Variants in UGT1A8 observed in about 807,000 individuals in gnomAD.
The protein encoded by UGT1A8 is UDP glucuronosyltransferase family 1 member A8, also known as UDP-glucuronosyltransferase 1A8.
A neutral mutation model predicts 45.3 loss-of-function variants in UGT1A8; 39 were observed. The ratio of observed to expected loss-of-function variants is 0.86; its 90% CI spans 0.67 to 1.12. UGT1A8 has a LOEUF of 1.12. Among genes scored for constraint, UGT1A8 ranks in the 50% most tolerant of loss-of-function variants. UGT1A8 has a pLI of 0.00. For synonymous variants in UGT1A8, 275 were observed against 249.2 expected (o/e 1.10, Z -0.97); for missense variants, 719 against 664.9 (o/e 1.08, Z -0.90).
At chr2:233,719,126 A>C (rs771877893) in intron 1 of UGT1A8, 16 of 1,614,152 alleles carry the variant, frequency 9.9e-6, no homozygotes, top group Non-Finnish European at 1.4e-5. Context: ...GGTTCTTTGA[A>C]ACAGAACATC....
intron 1 of UGT1A8, among the ~76,000 whole-genome samples, chr2:233,766,177 G>A (rs937937765): frequency 5.3e-5 from 8 of 152,156 alleles, no homozygotes; most frequent in African/African-American, 1.9e-4. Context: ...AGGATTTATT[G>A]AGTGGATGTA....
chr2:233,671,782 T>C (rs1034261818), intron 1 of UGT1A8: 21 of 1,403,412 alleles, frequency 1.5e-5, no homozygotes, highest in Non-Finnish European at 1.9e-5. Flanking sequence ...TCTTGTTCTT[T>C]TGGGTAAATC....
intron 1 of UGT1A8, among the ~76,000 whole-genome samples, chr2:233,745,098 AT>A (rs960304427): frequency 6.6e-6 from 1 of 151,758 alleles, no homozygotes; most frequent in African/African-American, 2.4e-5. Flanking sequence ...CCCCCCAAAT[AT>A]TTTTAATCTG....
intron 1 of UGT1A8, among the ~76,000 whole-genome samples, chr2:233,762,100 T>C (rs1697968145): frequency 6.6e-6 from 1 of 152,226 alleles, no homozygotes; most frequent in Non-Finnish European, 1.5e-5. Flanking sequence ...TAGTTGTTGA[T>C]TGTCCGCTTC....
intron 1 of UGT1A8, among the ~76,000 whole-genome samples, chr2:233,724,675 T>G (rs1346427449): frequency 7.1e-6 from 1 of 141,646 alleles, no homozygotes; most frequent in Non-Finnish European, 1.5e-5. Context: ...ACTTCCTAGA[T>G]GGGATGGCGG....
intron 1 of UGT1A8, among the ~76,000 whole-genome samples, chr2:233,622,033 A>C (rs1195986830): frequency 2.0e-5 from 3 of 152,200 alleles, no homozygotes; most frequent in Non-Finnish European, 2.9e-5. Flanking sequence ...TTCCAACTTC[A>C]TCTATGTCCC....
Position 233,709,909 on chromosome 2 carries a change from A to G in UGT1A8, c.856-57125A>G, listed in dbSNP as rs186719826. Reference sequence around the variant, plus strand: ...TTCTGTCCTATCTCAGTCACCTAATACCTCCCCTCACCTTAGGCAACCCTG... The same window carrying G: ...TTCTGTCCTATCTCAGTCACCTAATGCCTCCCCTCACCTTAGGCAACCCTG... On this transcript the variant is annotated intron_variant, in intron 1 of 4. Coordinates refer to ENST00000373450, the MANE Select transcript of UGT1A8 (RefSeq NM_019076.5). 8.5e-5 allele frequency among the ~76,000 whole-genome samples: 13 copies of G among 152,088 alleles called. No homozygotes were observed. The East Asian group carries it at 2.5e-3, about 29-fold the overall frequency.
chr2:233,627,506 C>T (rs2741030), intron 1 of UGT1A8, among the ~76,000 whole-genome samples: 33,996 of 151,952 alleles, frequency 0.22, 4,748 homozygotes, highest in South Asian at 0.38. Context: ...GCTACACCCA[C>T]GTTAAAGCTG....
At chr2:233,712,361 C>T (rs1434368620) in intron 1 of UGT1A8, among the ~76,000 whole-genome samples, 1 of 152,174 alleles carries the variant, frequency 6.6e-6, no homozygotes, top group Non-Finnish European at 1.5e-5. Flanking sequence ...CTCAGCCTCC[C>T]TGCAGCTTTT....
chr2:233,716,057 A>G (rs1298941606), intron 1 of UGT1A8, among the ~76,000 whole-genome samples: 1 of 152,210 alleles, frequency 6.6e-6, no homozygotes, highest in Admixed American at 6.5e-5. Flanking sequence ...GTCCATTCTT[A>G]GTTGTATTCT....
intron 1 of UGT1A8, among the ~76,000 whole-genome samples, chr2:233,658,401 G>A (rs1016285912): frequency 2.0e-5 from 3 of 152,170 alleles, no homozygotes; most frequent in African/African-American, 7.2e-5. Flanking sequence ...ATGAACTAAA[G>A]TCTGTGTTCT....
intron 1 of UGT1A8, chr2:233,692,226 T>C (rs2075085606): frequency 6.6e-6 from 1 of 152,364 alleles, no homozygotes; most frequent in Non-Finnish European, 1.5e-5. Context: ...AGATGGCAGA[T>C]GGGGCTCCAT....
Position 233,618,179 on chromosome 2 carries a change from G to A in UGT1A8, c.472G>A (p.Ala158Thr). 3.7e-6 allele frequency: 6 copies of A among 1,613,950 alleles called. No individual in the cohort carries two copies. The highest frequency in any genetic ancestry group is 5.1e-6 in the Non-Finnish European group (6 of 1,180,004). ...DPFDACGLIV[A>T]KYFSLPSVVF... ...TTTTGATGCCTGTGGCTTAATTGTT[G>A]CCAAATATTTCTCCCTCCCCTCTGT... The change falls in exon 1 of 5, where the codon GCC becomes ACC. Residue 158 changes from alanine (A) to threonine (T), a missense_variant. Transcript: ENST00000373450.
chr2:233,633,000 C>T (rs1275226577), intron 1 of UGT1A8, among the ~76,000 whole-genome samples: 3 of 152,102 alleles, frequency 2.0e-5, no homozygotes, highest in East Asian at 1.9e-4. Flanking sequence ...TTTTGAGATA[C>T]GTTCCATCAA....
At chr2:233,731,661 C>T (rs2078189507) in intron 1 of UGT1A8, among the ~76,000 whole-genome samples, 1 of 152,192 alleles carries the variant, frequency 6.6e-6, no homozygotes, top group South Asian at 2.1e-4. Flanking sequence ...ATATGTGCCA[C>T]ATTTTCTTAA....
chr2:233,676,403 C>G (rs183347348), intron 1 of UGT1A8, among the ~76,000 whole-genome samples: 2 of 152,226 alleles, frequency 1.3e-5, no homozygotes, highest in South Asian at 2.1e-4. Flanking sequence ...TTTCATCTAC[C>G]CTGTGTCCAG....
At chr2:233,632,338 G>A (rs1053700654) in intron 1 of UGT1A8, among the ~76,000 whole-genome samples, 4 of 152,162 alleles carry the variant, frequency 2.6e-5, no homozygotes, top group African/African-American at 9.7e-5. Context: ...AGCTCCGTAT[G>A]AACTTTAAAG....
intron 1 of UGT1A8, among the ~76,000 whole-genome samples, chr2:233,703,320 AT>A (rs36043462): frequency 0.15 from 22,518 of 151,968 alleles, 1,958 homozygotes; most frequent in South Asian, 0.24. Context: ...ATTTTTAGCA[AT>A]TTTGAGTCTT....
chr2:233,620,446 G>T (rs1452851592), intron 1 of UGT1A8, among the ~76,000 whole-genome samples: 1 of 151,654 alleles, frequency 6.6e-6, no homozygotes, highest in African/African-American at 2.4e-5. Context: ...GGCCCAAGGG[G>T]TCACCCAGAG....
Sources: allele counts gnomAD v4.1 joint callset (sites outside exome capture counted in the v4.1 genomes callset), GRCh38; gene constraint gnomAD v4.1.1; transcripts MANE v1.5; gene names NCBI Gene and HGNC (gene_info 2026-07-23, HGNC 2026-07-21).